The following ZHX3 variants were observed in gnomAD, a reference collection of about 807,000 sequenced individuals.
The protein encoded by ZHX3 is zinc fingers and homeoboxes protein 3.
Under a neutral mutation model 64.5 loss-of-function variants are expected in ZHX3, and 20 were observed. The observed-to-expected ratio is 0.31, with a 90% CI of 0.22 to 0.45. ZHX3 has a LOEUF of 0.45. Among genes scored for constraint, ZHX3 ranks in the 20% least tolerant of loss-of-function variants. The pLI is 1.00. For synonymous variants in ZHX3, 423 were observed against 461.6 expected (o/e 0.92, Z 1.07); for missense variants, 1,041 against 1,195.8 (o/e 0.87, Z 1.91).
At position 41,280,739 on chromosome 20, in the gene ZHX3, A is replaced by G. The variant is rs137857304; in HGVS notation, c.-244-11656T>C. 2.0e-3 allele frequency among the ~76,000 whole-genome samples: 302 copies of G among 152,262 alleles called. 1 individual carries two copies. Among genetic ancestry groups the G allele is most frequent in the Non-Finnish European group, 1.7e-3 (114 of 68,014 alleles). On this transcript the variant is annotated intron_variant, in intron 1 of 3. Transcript: ENST00000683867. ...GCCAAAAAAATTTCTTAATCCTTCA[A>G]CAGAGGTCTGAATAGCAAAAGGGGC...
intron 3 of ZHX3, among the ~76,000 whole-genome samples, chr20:41,199,457 A>T (rs918548881): frequency 6.6e-6 from 1 of 151,936 alleles, no homozygotes; most frequent in Admixed American, 6.6e-5. Flanking sequence ...TGAAGTGTGT[A>T]TTCTTTGCAG....
chr20:41,229,548 A>C (rs1215412395), intron 2 of ZHX3, among the ~76,000 whole-genome samples: 1 of 152,112 alleles, frequency 6.6e-6, no homozygotes, highest in African/African-American at 2.4e-5. Context: ...AGAGTTCTCC[A>C]CATTCATGGC....
intron 2 of ZHX3, among the ~76,000 whole-genome samples, chr20:41,262,703 C>CTCAGAG (rs1459911231): frequency 2.6e-5 from 4 of 152,172 alleles, no homozygotes; most frequent in Non-Finnish European, 5.9e-5. Flanking sequence ...GATCTGTTGG[C>CTCAGAG]TCAGAGTGAG....
At chr20:41,279,894 G>A (rs1006592123) in intron 1 of ZHX3, among the ~76,000 whole-genome samples, 1 of 152,198 alleles carries the variant, frequency 6.6e-6, no homozygotes, top group Non-Finnish European at 1.5e-5. Context: ...AGTGAAGCTG[G>A]ATGTAGAAGT....
At position 41,250,184 on chromosome 20, in the gene ZHX3, C is replaced by T. The variant is rs77155494; in HGVS notation, c.-151+18806G>A. On this transcript the variant is annotated intron_variant, in intron 2 of 3. Coordinates refer to ENST00000683867, the MANE Select transcript of ZHX3 (RefSeq NM_001384317.1). Reference sequence around the variant, plus strand: ...CCCCATCAGACAGCACCAACAGGGACTAGTGGGAGCCGTGGCAGCACCAGA... The same window carrying T: ...CCCCATCAGACAGCACCAACAGGGATTAGTGGGAGCCGTGGCAGCACCAGA... 0.042 allele frequency among the ~76,000 whole-genome samples: 6,369 copies of T among 152,210 alleles called. 751 individuals carry two copies. The East Asian group carries it at 0.48, about 11-fold the overall frequency.
At chr20:41,285,730 T>C (rs2043905168) in intron 1 of ZHX3, among the ~76,000 whole-genome samples, 1 of 152,252 alleles carries the variant, frequency 6.6e-6, no homozygotes, top group Non-Finnish European at 1.5e-5. Context: ...GTTTTAGCCG[T>C]GCTGTTCACT....
At chr20:41,293,504 T>C (rs1037716524) in intron 1 of ZHX3, among the ~76,000 whole-genome samples, 1 of 152,154 alleles carries the variant, frequency 6.6e-6, no homozygotes, top group African/African-American at 2.4e-5. Context: ...GAGACCAGGC[T>C]TGACAGCTGA....
intron 3 of ZHX3, among the ~76,000 whole-genome samples, chr20:41,196,050 CTG>C (rs2037457110): frequency 6.6e-6 from 1 of 151,512 alleles, no homozygotes; most frequent in Non-Finnish European, 1.5e-5. Context: ...TTTGAGAAGA[CTG>C]TGTATTCTGC....
rs373093631 is a variant in ZHX3 at position 41,316,538 on chromosome 20, A to T, written c.-245+971T>A. On this transcript the variant is annotated intron_variant, in intron 1 of 3. Coordinates refer to ENST00000683867, the MANE Select transcript of ZHX3 (RefSeq NM_001384317.1). ...TGGAAACTACTGTAATCCTTTTTTA[A>T]ATTAAGGACGTGTGGACGCCTCATG... Among the ~76,000 whole-genome samples the T allele has an allele frequency of 5.7e-4, 87 of 152,330 alleles. No individual in the cohort carries two copies. The East Asian group carries it at 0.015, about 26-fold the overall frequency.
At chr20:41,254,122 TGGAAGGAG>T (rs1262452908) in intron 2 of ZHX3, among the ~76,000 whole-genome samples, 1 of 151,980 alleles carries the variant, frequency 6.6e-6, no homozygotes, top group East Asian at 1.9e-4. Context: ...CTGTCTCTAC[TGGAAGGAG>T]GGAAGGAAGA....
chr20:41,243,744 C>T (rs1213644099), intron 2 of ZHX3, among the ~76,000 whole-genome samples: 1 of 152,106 alleles, frequency 6.6e-6, no homozygotes. Flanking sequence ...TTACTCTACT[C>T]TCAAAGGAGA....
At chr20:41,269,183 A>AACTAT (rs1249147372) in intron 1 of ZHX3, 100 bp from the exon 2 acceptor site, 1 of 152,206 alleles carries the variant, frequency 6.6e-6, no homozygotes, top group African/African-American at 2.4e-5. Flanking sequence ...TTCGCACTAG[A>AACTAT]ACTATACATA....
At chr20:41,188,004 T>C (rs1218989887) in intron 3 of ZHX3, among the ~76,000 whole-genome samples, 1 of 152,210 alleles carries the variant, frequency 6.6e-6, no homozygotes, top group African/African-American at 2.4e-5. Flanking sequence ...TATTTAACAT[T>C]AGACTTTGTT....
At chr20:41,281,031 G>A (rs956576900) in intron 1 of ZHX3, among the ~76,000 whole-genome samples, 4 of 152,056 alleles carry the variant, frequency 2.6e-5, no homozygotes, top group Non-Finnish European at 4.4e-5. Context: ...AAAAGTAAAT[G>A]TAACTTGGTG....
chr20:41,202,024 A>C lies in ZHX3; in HGVS notation c.2860+33T>G. On this transcript the variant is annotated intron_variant, in intron 3 of 3. Coordinates refer to ENST00000683867, the MANE Select transcript of ZHX3 (RefSeq NM_001384317.1). This position sits in a 1 kb window ranked among gnomAD's most constrained non-coding sequence, Gnocchi z 7.0. ...ATAAGTGCCTCCTCCCCTTACCCAC[A>C]CAGGATAGCCATGGCCCCTGTGGAC... 1.4e-5 allele frequency: 22 copies of C among 1,537,298 alleles called. No homozygotes were observed. Among genetic ancestry groups the C allele is most frequent in the Non-Finnish European group, 1.9e-5 (22 of 1,142,622 alleles).
chr20:41,248,903 T>C (rs916080963), intron 2 of ZHX3, among the ~76,000 whole-genome samples: 1 of 152,196 alleles, frequency 6.6e-6, no homozygotes, highest in Non-Finnish European at 1.5e-5. Flanking sequence ...AGTCAATTTA[T>C]AGCCAAGTAA....
At chr20:41,248,901 T>C (rs554899364) in intron 2 of ZHX3, among the ~76,000 whole-genome samples, 1 of 152,304 alleles carries the variant, frequency 6.6e-6, no homozygotes, top group South Asian at 2.1e-4. Flanking sequence ...CAAGTCAATT[T>C]ATAGCCAAGT....
chr20:41,281,935 T>C (rs2043697428), intron 1 of ZHX3, among the ~76,000 whole-genome samples: 1 of 152,206 alleles, frequency 6.6e-6, no homozygotes, highest in Admixed American at 6.5e-5. Flanking sequence ...GCAGAAGTCC[T>C]GGGCTATGAT....
chr20:41,212,730 G>A lies in ZHX3; in HGVS notation c.-150-7664C>T, dbSNP rs1201220460. 6.6e-6 allele frequency among the ~76,000 whole-genome samples: 1 copy of A among 151,658 alleles called. No homozygotes were observed. The highest frequency in any genetic ancestry group is 2.1e-4 in the South Asian group (1 of 4,814). ...GAGAATTGCTTGAACCTGGGAGGCGGAGGTTGCAGTGAGCCAAGATCATGC... is the reference window on the plus strand; with the variant it reads ...GAGAATTGCTTGAACCTGGGAGGCGAAGGTTGCAGTGAGCCAAGATCATGC... On this transcript the variant is annotated intron_variant, in intron 2 of 3. Coordinates refer to ENST00000683867, the MANE Select transcript of ZHX3 (RefSeq NM_001384317.1). The surrounding 1 kb of genome is among the most constrained non-coding windows in gnomAD (Gnocchi z 4.3).
Sources: allele counts gnomAD v4.1 joint callset (sites outside exome capture counted in the v4.1 genomes callset), GRCh38; gene constraint gnomAD v4.1.1; non-coding constraint Gnocchi (gnomAD v3.1); transcripts MANE v1.5; gene names NCBI Gene and HGNC (gene_info 2026-07-23, HGNC 2026-07-21).